PHLPP2: variants seen among roughly 807,000 people sequenced by gnomAD.
PHLPP2 encodes PH domain and leucine rich repeat protein phosphatase 2.
PHLPP2 carries 66 observed loss-of-function variants against 124.9 expected under a neutral mutation model. That is an observed-to-expected ratio of 0.53 (90% CI 0.43 to 0.65). PHLPP2 has a LOEUF of 0.65. PHLPP2 is among the 30% of genes least tolerant of loss of function. The pLI is 0.00. For synonymous variants in PHLPP2, 681 were observed against 624.7 expected (o/e 1.09, Z -1.34); for missense variants, 1,685 against 1,600.4 (o/e 1.05, Z -0.90).
In PHLPP2 at chr16:71,650,059, G is replaced by C. The variant is rs375263749; in HGVS notation, c.2818-15C>G. ...ACTTTGTTGTCCTACAGAAGAGCAGGACACAAATTCTGAGAAACAAGCAAC... is the reference window on the plus strand; with the variant it reads ...ACTTTGTTGTCCTACAGAAGAGCAGCACACAAATTCTGAGAAACAAGCAAC... On this transcript the variant is annotated splice_polypyrimidine_tract_variant and intron_variant, in intron 18 of 18. Coordinates refer to ENST00000568954, the MANE Select transcript of PHLPP2 (RefSeq NM_015020.3). 6 of 1,590,204 alleles carry C rather than the reference G, an allele frequency of 3.8e-6. No individual in the cohort carries two copies. Among genetic ancestry groups the C allele is most frequent in the Non-Finnish European group, 4.3e-6 (5 of 1,170,294 alleles).
chr16:71,722,426 C>CA (rs1385704693), intron 1 of PHLPP2, among the ~76,000 whole-genome samples: 1 of 151,184 alleles, frequency 6.6e-6, no homozygotes, highest in African/African-American at 2.4e-5. Context: ...GACCCTGTCT[C>CA]AAAAAATAAA....
Position 71,645,018 on chromosome 16 carries a change from G to T in PHLPP2, c.*3872C>A. On this transcript the variant is annotated 3_prime_UTR_variant, in exon 19 of 19. Transcript: ENST00000568954. The stretch of plus-strand genomic sequence containing the variant: ...CAATAGATTTGCTGCAACATGCTCT[G>T]GCTCATATTATTGAATTAAAAAATT... 1 of 282,082 alleles carries T rather than the reference G, an allele frequency of 3.5e-6. No homozygotes were observed. The allele number at this position is 282,082 out of a possible 1,614,324, so 17.5% of individuals were successfully genotyped here.
chr16:71,656,669 G>C lies in PHLPP2; in HGVS notation c.2292C>G (p.Thr764=), dbSNP rs1262534573. 1 of 1,606,342 alleles carries C rather than the reference G, an allele frequency of 6.2e-7. No individual in the cohort carries two copies. The highest frequency in any genetic ancestry group is 8.5e-7 in the Non-Finnish European group (1 of 1,173,032). ...KTLDIFSHIT[T]LKIDQKPLPT... ...GCAAAGGTTTCTGATCAATTTTCAG[G>C]GTTGTGATATGGCTGTGGGAGGTGA... The change falls in exon 16 of 19, where the codon ACC becomes ACG. Residue 764 remains threonine (T), a synonymous_variant. Coordinates refer to ENST00000568954, the MANE Select transcript of PHLPP2 (RefSeq NM_015020.3).
At chr16:71,711,805 C>T (rs548278831) in intron 2 of PHLPP2, among the ~76,000 whole-genome samples, 26 of 152,228 alleles carry the variant, frequency 1.7e-4, no homozygotes, top group Admixed American at 5.9e-4. Flanking sequence ...AGGGCTTTTA[C>T]GCAGAAAATA....
At chr16:71,670,695 A>AACACACACACACACATACAC (rs1555545717) in intron 10 of PHLPP2, among the ~76,000 whole-genome samples, 5 of 128,940 alleles carry the variant, frequency 3.9e-5, no homozygotes, top group Non-Finnish European at 7.9e-5. Context: ...AGAGGCTGAA[A>AACACACACACACACATACAC]ACACACACAC....
Position 71,719,964 on chromosome 16 carries a change from A to ATTTTTTT in PHLPP2, c.-7+4358_-7+4364dup, listed in dbSNP as rs756642820. On this transcript the variant is annotated intron_variant, in intron 1 of 18. Coordinates refer to ENST00000568954, the MANE Select transcript of PHLPP2 (RefSeq NM_015020.3). ...AGGTGCACAACACCATGCCCAGCTA[A>ATTTTTTT]TTTTTTTTTTTTTTTTTTTTTTTTG... Among the ~76,000 whole-genome samples the ATTTTTTT allele has an allele frequency of 2.5e-3, 134 of 53,244 alleles. 19 individuals are homozygous for ATTTTTTT. Among genetic ancestry groups the ATTTTTTT allele is most frequent in the African/African-American group, 6.5e-3 (78 of 11,982 alleles). The allele number at this position is 53,244 out of a possible 152,430, so 34.9% of individuals were successfully genotyped here.
chr16:71,691,947 C>A (rs1467171806), intron 3 of PHLPP2, among the ~76,000 whole-genome samples: 2 of 151,474 alleles, frequency 1.3e-5, no homozygotes, highest in African/African-American at 4.9e-5. Context: ...CAAAAAAAAA[C>A]AAAACAACAA....
chr16:71,696,916 G>T (rs2145362112), intron 3 of PHLPP2, among the ~76,000 whole-genome samples: 1 of 152,184 alleles, frequency 6.6e-6, no homozygotes, highest in South Asian at 2.1e-4. Flanking sequence ...GCTCACACCT[G>T]TAATCCCAGC....
At chr16:71,697,817 C>T (rs8051767) in intron 3 of PHLPP2, among the ~76,000 whole-genome samples, 101,789 of 129,194 alleles carry the variant, frequency 0.79, 39,088 homozygotes, top group South Asian at 0.96. Context: ...CTCTCTCTCT[C>T]TTTTTTTTTT....
chr16:71,648,952 C>T lies in PHLPP2; in HGVS notation c.3910G>A (p.Glu1304Lys), dbSNP rs748258512. The change falls in exon 19 of 19, where the codon GAG becomes AAG. Residue 1304 changes from glutamate (E) to lysine (K), a missense_variant. Transcript: ENST00000568954. ...QMKQHQDSRL[E>K]PEPHEEDRTE... ...CGATCCTCTTCATGGGGCTCAGGCT[C>T]GAGCCGGCTGTCCTGGTGCTGTTTC... is the stretch of plus-strand genomic sequence containing the variant. 6.2e-6 allele frequency: 10 copies of T among 1,613,776 alleles called. No individual in the cohort carries two copies. The highest frequency in any genetic ancestry group is 1.7e-4 in the Middle Eastern group (1 of 5,752).
Position 71,663,882 on chromosome 16 carries a change from G to A in PHLPP2, c.1985+17C>T, listed in dbSNP as rs1354431974. 1.3e-6 allele frequency: 2 copies of A among 1,584,342 alleles called. No individual in the cohort carries two copies. Among genetic ancestry groups the A allele is most frequent in the African/African-American group, 1.3e-5 (1 of 74,504 alleles). Reference sequence around the variant, plus strand: ...ATGTTGTGTATTTGAAATGATCAAAGTTTGCATTCATTTTACCTTGCAGGA... The same window carrying A: ...ATGTTGTGTATTTGAAATGATCAAAATTTGCATTCATTTTACCTTGCAGGA... On this transcript the variant is annotated intron_variant, in intron 13 of 18. Transcript: ENST00000568954.
intron 12 of PHLPP2, among the ~76,000 whole-genome samples, chr16:71,665,288 G>A (rs1472733874): frequency 1.3e-5 from 2 of 152,046 alleles, no homozygotes; most frequent in African/African-American, 4.8e-5. Flanking sequence ...CCAGCCTGGC[G>A]ACACAGCTAG....
rs1423747600 is a variant in PHLPP2 at position 71,714,673 on chromosome 16, G to A, written c.123C>T (p.Thr41=). 1 of 1,613,486 alleles carries A rather than the reference G, an allele frequency of 6.2e-7. No individual in the cohort carries two copies. The highest frequency in any genetic ancestry group is 8.5e-7 in the Non-Finnish European group (1 of 1,179,580). ...GCVYLYGADT[T]TATTTTTTSS... is the part of the protein sequence containing the mutation. ...AGGTGGTGGTGGTTGTAGTGGCAGTGGTAGTGTCTGCTCCATAAAGGTAAA... is the reference window on the plus strand; with the variant it reads ...AGGTGGTGGTGGTTGTAGTGGCAGTAGTAGTGTCTGCTCCATAAAGGTAAA... Residue 41 remains threonine, a synonymous_variant, in exon 2 of 19, where the codon ACC becomes ACT. Coordinates refer to ENST00000568954, the MANE Select transcript of PHLPP2 (RefSeq NM_015020.3).
chr16:71,668,054 A>T (rs879522521), intron 11 of PHLPP2, among the ~76,000 whole-genome samples: 3 of 152,164 alleles, frequency 2.0e-5, no homozygotes, highest in South Asian at 2.1e-4. Context: ...TCCATGAAAC[A>T]TTCCCTAATT....
Position 71,648,849 on chromosome 16 carries a change from A to C in PHLPP2, c.*41T>G, listed in dbSNP as rs746839361. ...ATGCCTCTAGCAAGTCCCTACCCCA[A>C]CCCTGCACAGCCTCCTCCCACACTG... On this transcript the variant is annotated 3_prime_UTR_variant, in exon 19 of 19. Transcript: ENST00000568954. The C allele has an allele frequency of 2.0e-5, 30 of 1,481,824 alleles. No homozygotes were observed. In the East Asian group the frequency reaches 6.8e-4, roughly 34 times the overall value. 91.8% of individuals were successfully genotyped at this position (1,481,824 alleles called of 1,614,324 possible). A position where few individuals can be genotyped will look rare whatever the true frequency, so the allele number is the denominator to read the frequency against.
At chr16:71,685,185 G>A (rs1272329153) in intron 4 of PHLPP2, among the ~76,000 whole-genome samples, 1 of 152,122 alleles carries the variant, frequency 6.6e-6, no homozygotes, top group Admixed American at 6.6e-5. Flanking sequence ...AAATTAGCCG[G>A]GTGTGGTCAC....
intron 16 of PHLPP2, among the ~76,000 whole-genome samples, chr16:71,656,188 T>C (rs2145309161): frequency 6.6e-6 from 1 of 152,208 alleles, no homozygotes; most frequent in African/African-American, 2.4e-5. Flanking sequence ...TTTGGTTTGG[T>C]CACTTTGGGG....
chr16:71,701,181 A>G (rs187397532), intron 3 of PHLPP2, among the ~76,000 whole-genome samples: 2 of 152,276 alleles, frequency 1.3e-5, no homozygotes, highest in Admixed American at 1.3e-4. Context: ...TCTGGCCCAC[A>G]AAAACTATAT....
At chr16:71,718,384 C>G (rs926839451) in intron 1 of PHLPP2, among the ~76,000 whole-genome samples, 2 of 151,960 alleles carry the variant, frequency 1.3e-5, no homozygotes, top group Admixed American at 1.3e-4. Context: ...TCGAGACCAG[C>G]CTGGCCAACA....
Sources: gnomAD v4.1 joint callset for allele counts (sites outside exome capture counted in the v4.1 genomes callset) on GRCh38, gnomAD v4.1.1 for gene constraint, MANE v1.5 for transcripts, NCBI Gene and HGNC (gene_info 2026-07-23, HGNC 2026-07-21) for gene names.